TET1: variants seen among roughly 807,000 people sequenced by gnomAD.
TET1 encodes methylcytosine dioxygenase TET1.
A neutral mutation model predicts 148.7 loss-of-function variants in TET1; 13 were observed. That is an observed-to-expected ratio of 0.09 (90% CI 0.06 to 0.14). The LOEUF (loss-of-function observed/expected upper bound fraction) is 0.14. TET1 is among the 10% of genes least tolerant of loss of function. The probability of loss-of-function intolerance (pLI) is 1.00; values close to 1 mark genes in which losing one functional copy is unlikely to be tolerated. For synonymous variants in TET1, 907 were observed against 937.2 expected, an observed-to-expected ratio of 0.97 and a Z score of 0.59; for missense variants, 2,182 against 2,553.8, an observed-to-expected ratio of 0.85 and a Z score of 3.14.
intron 3 of TET1, among the ~76,000 whole-genome samples, chr10:68,633,368 GT>G (rs34622339): frequency 8.8e-5 from 13 of 148,304 alleles, no homozygotes; most frequent in Non-Finnish European, 1.6e-4. Context: ...TTTATACTGG[GT>G]TTTTTTTTTA....
At chr10:68,624,628 CTTTCTTTCTTTCTTTCTT>C (rs1564974725) in intron 3 of TET1, among the ~76,000 whole-genome samples, 31 of 38,880 alleles carry the variant, frequency 8.0e-4, no homozygotes, top group African/African-American at 4.2e-3. Flanking sequence ...TTCTTTCTTT[CTTTCTTTCTTTCTTTCTT>C]TCTTTCTTTC....
chr10:68,660,529 A>G (rs1411107805), intron 6 of TET1, among the ~76,000 whole-genome samples: 2 of 151,670 alleles, frequency 1.3e-5, no homozygotes. Flanking sequence ...TTTAGTAGGG[A>G]TGGGGTTTCA....
chr10:68,576,394 GC>G (rs1447479256), intron 2 of TET1, among the ~76,000 whole-genome samples: 5 of 151,820 alleles, frequency 3.3e-5, no homozygotes, highest in Non-Finnish European at 7.4e-5. Flanking sequence ...AGGCATGGTG[GC>G]TCATGTCTGT....
chr10:68,641,134 C>T (rs985003593), intron 3 of TET1, among the ~76,000 whole-genome samples: 3 of 151,396 alleles, frequency 2.0e-5, no homozygotes, highest in African/African-American at 4.9e-5. Context: ...CAGAAAAGTT[C>T]GCCGAACCTT....
Position 68,645,947 on chromosome 10 carries a change from T to A in TET1, c.3218T>A (p.Ile1073Asn). 1 of 1,613,908 alleles carries A rather than the reference T, an allele frequency of 6.2e-7. No homozygotes were observed. Among genetic ancestry groups the A allele is most frequent in the East Asian group, 2.2e-5 (1 of 44,854 alleles). ...TGTCAGGATGCAACCCATACCCAAATTGAGGAAGATGTTGCAACACAGTTG... is the reference window on the plus strand; with the variant it reads ...TGTCAGGATGCAACCCATACCCAAAATGAGGAAGATGTTGCAACACAGTTG... Reference protein sequence around the residue: ...LSCQDATHTQIEEDVATQLTQ... With the variant: ...LSCQDATHTQNEEDVATQLTQ... The change falls in exon 4 of 12, where the codon ATT (isoleucine) becomes AAT (asparagine). Residue 1073 changes from isoleucine to asparagine, a missense_variant. Ile to Asn is a moderately radical substitution (Grantham distance 149, BLOSUM62 -3). Around this residue, in one of 11 missense-constraint regions of TET1, gnomAD observed 582 missense variants for 599.5 expected, o/e 0.97. Transcript: ENST00000373644.
At position 68,602,154 on chromosome 10, in the gene TET1, A is replaced by G. The variant is rs74143100; in HGVS notation, c.1968+1120A>G. Among the ~76,000 whole-genome samples the G allele has an allele frequency of 6.4e-3, 980 of 152,348 alleles. 12 individuals are homozygous for G. The highest frequency in any genetic ancestry group is 0.022 in the African/African-American group (934 of 41,580). On this transcript the variant is annotated intron_variant, in intron 3 of 11. Coordinates refer to ENST00000373644, the MANE Select transcript of TET1 (RefSeq NM_030625.3). Reference sequence around the variant, plus strand: ...AACAAGTATTTATTTAATATTTACCACATAGTCAGCAATGTGCTAGGCACT... The same window carrying G: ...AACAAGTATTTATTTAATATTTACCGCATAGTCAGCAATGTGCTAGGCACT...
intron 3 of TET1, among the ~76,000 whole-genome samples, chr10:68,610,093 C>T (rs1564966412): frequency 6.6e-6 from 1 of 152,100 alleles, no homozygotes; most frequent in Non-Finnish European, 1.5e-5. Context: ...ATCATCCTGG[C>T]TAACACAGTG....
chr10:68,622,477 G>A (rs1375497141), intron 3 of TET1, among the ~76,000 whole-genome samples: 1 of 151,916 alleles, frequency 6.6e-6, no homozygotes, highest in Non-Finnish European at 1.5e-5. Context: ...TGTTCGCCAG[G>A]CTGGTCTGGA....
intron 1 of TET1, among the ~76,000 whole-genome samples, chr10:68,566,710 G>A (rs1201882345): frequency 6.6e-6 from 1 of 152,238 alleles, no homozygotes; most frequent in South Asian, 2.1e-4. Flanking sequence ...AACCTACGTA[G>A]TGTGTAAGGT....
intron 2 of TET1, among the ~76,000 whole-genome samples, chr10:68,582,789 T>G (rs756125186): frequency 1.3e-5 from 2 of 152,190 alleles, no homozygotes; most frequent in Non-Finnish European, 2.9e-5. Flanking sequence ...ACTCTTTCAA[T>G]TGAGGGCAGA....
chr10:68,627,143 C>T (rs533908436), intron 3 of TET1, among the ~76,000 whole-genome samples: 1 of 152,232 alleles, frequency 6.6e-6, no homozygotes, highest in Non-Finnish European at 1.5e-5. Context: ...CGCAGTGGCT[C>T]ATGCCTGTAA....
At chr10:68,629,855 T>G (rs769329299) in intron 3 of TET1, among the ~76,000 whole-genome samples, 9 of 152,160 alleles carry the variant, frequency 5.9e-5, no homozygotes, top group Non-Finnish European at 1.3e-4. Flanking sequence ...TTATTAATAT[T>G]AATTTCATCT....
At position 68,693,752 on chromosome 10, in the gene TET1, A is replaced by G. The variant is rs2055621802; in HGVS notation, c.*1938A>G. On this transcript the variant is annotated 3_prime_UTR_variant, in exon 12 of 12. Coordinates refer to ENST00000373644, the MANE Select transcript of TET1 (RefSeq NM_030625.3). ...TGTTTATTGCTTCAGCTGCTTCAAC[A>G]AGATATTTACTAGTATTAGACTATC... The G allele has an allele frequency of 4.3e-6, 1 of 231,560 alleles. No homozygotes were observed. Among genetic ancestry groups the G allele is most frequent in the Non-Finnish European group, 8.5e-6 (1 of 117,104 alleles). The allele number at this position is 231,560 out of a possible 1,614,324, so 14.3% of individuals were successfully genotyped here.
intron 3 of TET1, among the ~76,000 whole-genome samples, chr10:68,623,437 A>C (rs1000571715): frequency 6.6e-6 from 1 of 152,212 alleles, no homozygotes; most frequent in African/African-American, 2.4e-5. Flanking sequence ...GTTTCGAGGT[A>C]GTTAGTTTCC....
Position 68,572,360 on chromosome 10 carries a change from A to G in TET1, c.22A>G (p.Arg8Gly), listed in dbSNP as rs1057257286. 1.2e-6 allele frequency: 2 copies of G among 1,605,124 alleles called. No individual in the cohort carries two copies. Among genetic ancestry groups the G allele is most frequent in the Non-Finnish European group, 1.7e-6 (2 of 1,177,836 alleles). ...AGCTATGTCTCGATCCCGCCATGCA[A>G]GGCCTTCCAGATTAGTCAGGAAGGA... is the stretch of plus-strand genomic sequence containing the variant. MSRSRHA[R>G]PSRLVRKEDV... Residue 8 changes from arginine (R) to glycine (G), a missense_variant, in exon 2 of 12, where the codon AGG (arginine) becomes GGG (glycine). This residue lies in a region of TET1 where 665 missense variants were observed against 672.4 expected (regional missense o/e 0.99). Transcript: ENST00000373644.
Position 68,572,582 on chromosome 10 carries a change from A to G in TET1, c.244A>G (p.Met82Val), listed in dbSNP as rs750381036. The G allele has an allele frequency of 5.8e-5, 94 of 1,614,052 alleles. 3 individuals are homozygous for G. The South Asian group carries it at 9.8e-4, about 17-fold the overall frequency. ...TCTGACAAGAGCTGGAGCAGCACGCATGAATTTGGATAGGACTGAGGTTCT... is the reference window on the plus strand; with the variant it reads ...TCTGACAAGAGCTGGAGCAGCACGCGTGAATTTGGATAGGACTGAGGTTCT... Reference protein sequence around the residue: ...SLLTRAGAARMNLDRTEVLFQ... With the variant: ...SLLTRAGAARVNLDRTEVLFQ... The change falls in exon 2 of 12, where the codon ATG (methionine) becomes GTG (valine). Residue 82 changes from methionine (M) to valine (V), a missense_variant. Physicochemically the swap from Met to Val is conservative, Grantham distance 21. This residue lies in a region of TET1 where 665 missense variants were observed against 672.4 expected (regional missense o/e 0.99). Coordinates refer to ENST00000373644, the MANE Select transcript of TET1 (RefSeq NM_030625.3).
rs368625091 is a variant in TET1 at position 68,572,509 on chromosome 10, T to A, written c.171T>A (p.Asp57Glu). Reference sequence around the variant, plus strand: ...TAAAGCAATTAATTCAAGAAAGAGATGTTAAGAAAAAAACAGAACCTAAAC... The same window carrying A: ...TAAAGCAATTAATTCAAGAAAGAGAAGTTAAGAAAAAAACAGAACCTAAAC... ...GKLKQLIQER[D>E]VKKKTEPKPP... is the part of the protein sequence containing the mutation. Residue 57 changes from aspartate to glutamate, a missense_variant, in exon 2 of 12, where the codon GAT (aspartate) becomes GAA (glutamate). Around this residue, in one of 11 missense-constraint regions of TET1, gnomAD observed 665 missense variants for 672.4 expected, o/e 0.99. Transcript: ENST00000373644. The A allele has an allele frequency of 1.3e-5, 21 of 1,613,268 alleles. No individual in the cohort carries two copies. The highest frequency in any genetic ancestry group is 1.6e-5 in the Non-Finnish European group (19 of 1,179,932).
chr10:68,691,356 G>A lies in TET1; in HGVS notation c.5953G>A (p.Glu1985Lys). 1 of 1,614,162 alleles carries A rather than the reference G, an allele frequency of 6.2e-7. No homozygotes were observed. Among genetic ancestry groups the A allele is most frequent in the South Asian group, 1.1e-5 (1 of 91,082 alleles). ...TGATGACCCCCTGTCACCTGCTGAG[G>A]AGAAATTGCCCCACATTGATGAGTA... The part of the protein sequence containing the change: ...LSDDPLSPAE[E>K]KLPHIDEYWS... Residue 1985 changes from glutamate (E) to lysine (K), a missense_variant, in exon 12 of 12, where the codon GAG becomes AAG. By Grantham distance (56) the Glu-to-Lys change is moderately conservative. Transcript: ENST00000373644. This position sits in a 1 kb window ranked among gnomAD's most constrained non-coding sequence, Gnocchi z 4.4.
chr10:68,649,623 AG>A (rs2054902695), intron 4 of TET1, among the ~76,000 whole-genome samples: 1 of 151,126 alleles, frequency 6.6e-6, no homozygotes, highest in South Asian at 2.1e-4. Flanking sequence ...AAAAAAAAAA[AG>A]GGAGAGAACA....
Sources: allele counts gnomAD v4.1 joint callset (sites outside exome capture counted in the v4.1 genomes callset), GRCh38; gene constraint gnomAD v4.1.1; regional missense constraint gnomAD v4.1.1; non-coding constraint Gnocchi (gnomAD v3.1); transcripts MANE v1.5; gene names NCBI Gene and HGNC (gene_info 2026-07-23, HGNC 2026-07-21).